Variants in PPP2R5A observed in about 807,000 individuals in gnomAD.
PPP2R5A encodes protein phosphatase 2 regulatory subunit B'alpha.
PPP2R5A carries 25 observed loss-of-function variants against 64.2 expected under a neutral mutation model. That is an observed-to-expected ratio of 0.39 (90% confidence interval 0.28 to 0.54). The LOEUF is 0.54. Ranked by LOEUF, PPP2R5A falls within the 20% of genes least tolerant of loss-of-function variation. The probability of loss-of-function intolerance (pLI) is 0.67; values close to 1 mark genes in which losing one functional copy is unlikely to be tolerated. For missense variants in PPP2R5A, 425 were observed against 576.3 expected (o/e 0.74, Z 2.69); for synonymous variants, 198 against 201.2 (o/e 0.98, Z 0.13).
chr1:212,332,914 T>A (rs1200136763), intron 2 of PPP2R5A, among the ~76,000 whole-genome samples: 1 of 148,156 alleles, frequency 6.7e-6, no homozygotes, highest in African/African-American at 2.4e-5. Context: ...TTTATTTTTA[T>A]TTTTGGAGAC....
chr1:212,306,704 A>T (rs990349580), intron 1 of PPP2R5A: 4 of 151,674 alleles, frequency 2.6e-5, no homozygotes, highest in Non-Finnish European at 5.9e-5. Context: ...CAGTTTGACA[A>T]TCTCTACCTT....
chr1:212,327,473 G>A (rs978244934), intron 1 of PPP2R5A, among the ~76,000 whole-genome samples: 1 of 152,160 alleles, frequency 6.6e-6, no homozygotes, highest in Non-Finnish European at 1.5e-5. Flanking sequence ...GGAGTGCAGT[G>A]GCGCTATCTC....
intron 1 of PPP2R5A, among the ~76,000 whole-genome samples, chr1:212,292,620 T>C (rs182253876): frequency 5.4e-4 from 83 of 152,348 alleles, no homozygotes; most frequent in African/African-American, 2.0e-3. Flanking sequence ...TCACCCAGGC[T>C]GGAGTGTAGT....
Position 212,353,142 on chromosome 1 carries a change from G to T in PPP2R5A, c.928-3484G>T, listed in dbSNP as rs142513661. 6.6e-3 allele frequency among the ~76,000 whole-genome samples: 1,003 copies of T among 152,326 alleles called. 37 individuals are homozygous for T. The highest frequency in any genetic ancestry group is 0.057 in the Admixed American group (875 of 15,298). On this transcript the variant is annotated intron_variant, in intron 8 of 12. Coordinates refer to ENST00000261461, the MANE Select transcript of PPP2R5A (RefSeq NM_006243.4). ...TTCTAAGTTCACATGTATGTTGGCA[G>T]AATTCAGTTTGTCAAGTTATGTTGG...
chr1:212,301,292 G>A (rs1003938540), intron 1 of PPP2R5A, among the ~76,000 whole-genome samples: 2 of 152,184 alleles, frequency 1.3e-5, no homozygotes, highest in African/African-American at 4.8e-5. Context: ...GATTACAGGT[G>A]TGATCCACCA....
At chr1:212,323,792 G>A (rs1007528418) in intron 1 of PPP2R5A, among the ~76,000 whole-genome samples, 1 of 152,122 alleles carries the variant, frequency 6.6e-6, no homozygotes, top group African/African-American at 2.4e-5. Flanking sequence ...TGTAACATGG[G>A]GCTGGGCACG....
At chr1:212,328,777 T>C (rs1239467412) in intron 1 of PPP2R5A, among the ~76,000 whole-genome samples, 1 of 152,116 alleles carries the variant, frequency 6.6e-6, no homozygotes, top group African/African-American at 2.4e-5. Flanking sequence ...TCAAATATGT[T>C]AAAGACGCCG....
intron 1 of PPP2R5A, among the ~76,000 whole-genome samples, chr1:212,290,878 A>G (rs1209868780): frequency 6.6e-6 from 1 of 152,252 alleles, no homozygotes; most frequent in Non-Finnish European, 1.5e-5. Flanking sequence ...ACCTGCAAGA[A>G]TAACATTTTT....
chr1:212,323,975 G>C (rs1481927112), intron 1 of PPP2R5A, among the ~76,000 whole-genome samples: 1 of 152,006 alleles, frequency 6.6e-6, no homozygotes, highest in African/African-American at 2.4e-5. Context: ...GGGAGGCTGA[G>C]GCAGGAGAAT....
At chr1:212,345,671 TAA>T in intron 4 of PPP2R5A, 130 bp from the exon 5 acceptor site, 1 of 754,914 alleles carries the variant, frequency 1.3e-6, no homozygotes, top group Non-Finnish European at 2.0e-6. Flanking sequence ...TTAGCAAGAA[TAA>T]AGTCAGTGTG....
intron 1 of PPP2R5A, among the ~76,000 whole-genome samples, chr1:212,324,754 G>A (rs151221448): frequency 0.014 from 2,166 of 152,110 alleles, 49 homozygotes; most frequent in African/African-American, 0.048. Flanking sequence ...ACAGGTGCCT[G>A]CCACCATGCC....
intron 1 of PPP2R5A, among the ~76,000 whole-genome samples, chr1:212,320,159 G>A (rs1175121600): frequency 1.3e-5 from 2 of 151,762 alleles, no homozygotes; most frequent in African/African-American, 4.8e-5. Context: ...TAACGAGCAT[G>A]CTGCCTTCAA....
intron 1 of PPP2R5A, among the ~76,000 whole-genome samples, chr1:212,319,730 C>T (rs1659229673): frequency 6.7e-6 from 1 of 149,332 alleles, no homozygotes; most frequent in South Asian, 2.1e-4. Context: ...AAGCGATTCT[C>T]CTGTCTCAGT....
chr1:212,293,410 AG>A (rs1196770536), intron 1 of PPP2R5A, among the ~76,000 whole-genome samples: 2 of 152,206 alleles, frequency 1.3e-5, no homozygotes, highest in African/African-American at 4.8e-5. Flanking sequence ...AGGAGGTAAA[AG>A]GAACAGATTT....
intron 3 of PPP2R5A, among the ~76,000 whole-genome samples, chr1:212,337,695 T>C (rs1346671147): frequency 6.6e-6 from 1 of 152,148 alleles, no homozygotes; most frequent in Non-Finnish European, 1.5e-5. Flanking sequence ...TGAATAGTTA[T>C]TATCTTTTTA....
chr1:212,352,999 T>C, intron 8 of PPP2R5A: 1 of 514,306 alleles, frequency 1.9e-6, no homozygotes, highest in Non-Finnish European at 3.9e-6. Context: ...TTGCTGTGAA[T>C]CCAGAATCTG....
At chr1:212,355,399 A>G (rs913488577) in intron 8 of PPP2R5A, among the ~76,000 whole-genome samples, 1 of 152,154 alleles carries the variant, frequency 6.6e-6, no homozygotes, top group Non-Finnish European at 1.5e-5. Flanking sequence ...TGTCTCCAAA[A>G]CAGTATCCTT....
chr1:212,327,724 T>A (rs1028890199), intron 1 of PPP2R5A, among the ~76,000 whole-genome samples: 5 of 151,696 alleles, frequency 3.3e-5, no homozygotes, highest in African/African-American at 4.9e-5. Context: ...ATTTTTTGAG[T>A]GCCTATTATA....
In PPP2R5A at chr1:212,357,099, T is replaced by C. The variant is rs200241460; in HGVS notation, c.1098+30T>C. The C allele has an allele frequency of 9.0e-5, 143 of 1,587,988 alleles. 1 individual carries two copies. Among genetic ancestry groups the C allele is most frequent in the Admixed American group, 1.5e-4 (8 of 53,654 alleles). ...GATGTTTTCAGTGAAGCCTTTACTT[T>C]ACACTAGTATTTCTTTCCTATTTTA... On this transcript the variant is annotated intron_variant, in intron 10 of 12. Transcript: ENST00000261461.
Sources: allele counts gnomAD v4.1 joint callset (sites outside exome capture counted in the v4.1 genomes callset), GRCh38; gene constraint gnomAD v4.1.1; transcripts MANE v1.5; gene names NCBI Gene and HGNC (gene_info 2026-07-23, HGNC 2026-07-21).